The following ALMS1 variants were observed in gnomAD, a reference collection of about 807,000 sequenced individuals.
The protein encoded by ALMS1 is centrosome-associated protein ALMS1.
Under a neutral mutation model 352.2 loss-of-function variants are expected in ALMS1, and 271 were observed. The ratio of observed to expected loss-of-function variants is 0.77; its 90% CI spans 0.70 to 0.85. The LOEUF is 0.85. Among genes scored for constraint, ALMS1 ranks in the 40% least tolerant of loss-of-function variants. The pLI, the probability that ALMS1 is intolerant of heterozygous loss-of-function variation, is 0.00. For synonymous variants in ALMS1, 1,865 were observed against 1,761.2 expected (o/e 1.06, Z -1.48); for missense variants, 5,445 against 4,870.7 (o/e 1.12, Z -3.51).
At chr2:73,598,041 A>C (rs770505534) in intron 16 of ALMS1, among the ~76,000 whole-genome samples, 4 of 152,352 alleles carry the variant, frequency 2.6e-5, no homozygotes, top group Non-Finnish European at 5.9e-5. Context: ...ATTGCTTAGT[A>C]AATATTTGTT....
Position 73,517,246 on chromosome 2 carries a change from CTTT to C in ALMS1, c.9540-2514_9540-2512del, listed in dbSNP as rs770879267. 9.5e-5 allele frequency among the ~76,000 whole-genome samples: 10 copies of C among 104,966 alleles called. 1 individual carries two copies. Among genetic ancestry groups the C allele is most frequent in the Admixed American group, 2.2e-4 (2 of 9,160 alleles). 68.9% of individuals were successfully genotyped at this position (104,966 alleles called of 152,430 possible). ...CAAGTGATTTTTTGAAAGTTTTAGT[CTTT>C]TTTTTTTTTTTTTTCTTATAGAGAC... On this transcript the variant is annotated intron_variant, in intron 10 of 22. Coordinates refer to ENST00000613296, the MANE Select transcript of ALMS1 (RefSeq NM_001378454.1).
At chr2:73,589,425 T>C (rs1675376502) in intron 16 of ALMS1, among the ~76,000 whole-genome samples, 1 of 152,202 alleles carries the variant, frequency 6.6e-6, no homozygotes, top group Admixed American at 6.5e-5. Flanking sequence ...GTGCCAAGGG[T>C]TGAGTTAAAT....
chr2:73,419,016 TTAAA>T lies in ALMS1; in HGVS notation c.451-104_451-101del, dbSNP rs1480890695. The stretch of plus-strand genomic sequence containing the variant: ...TTTCTATACTTTGATGAGAATGTCA[TTAAA>T]TAGGAAGCTATATAATACATGAGTG... On this transcript the variant is annotated intron_variant, in intron 2 of 22. Coordinates refer to ENST00000613296, the MANE Select transcript of ALMS1 (RefSeq NM_001378454.1). 8.6e-6 allele frequency: 8 copies of T among 930,558 alleles called. No individual in the cohort carries two copies. The Admixed American group carries it at 1.4e-4, about 17-fold the overall frequency. The allele number at this position is 930,558 out of a possible 1,614,324, so 57.6% of individuals were successfully genotyped here. A position where few individuals can be genotyped will look rare whatever the true frequency, so the allele number is the denominator to read the frequency against.
Position 73,572,666 on chromosome 2 carries a change from A to G in ALMS1, c.10789A>G (p.Ser3597Gly). The change falls in exon 16 of 23, where the codon AGT (serine) becomes GGT (glycine). Residue 3597 changes from serine (S) to glycine (G), a missense_variant. Physicochemically the swap from Ser to Gly is moderately conservative, Grantham distance 56 (BLOSUM62 0). Transcript: ENST00000613296. ...TPEQTTQHTV[S>G]LNELWNKYRE... ...AGAGCAAACAACTCAGCACACTGTGAGTTTGAATGAACTGTGGAACAAGTA... is the reference window on the plus strand; with the variant it reads ...AGAGCAAACAACTCAGCACACTGTGGGTTTGAATGAACTGTGGAACAAGTA... 3 of 1,614,112 alleles carry G rather than the reference A, an allele frequency of 1.9e-6. No individual in the cohort carries two copies. In the South Asian group the frequency reaches 3.3e-5, roughly 18 times the overall value.
intron 9 of ALMS1, among the ~76,000 whole-genome samples, chr2:73,466,731 G>C (rs1672355901): frequency 6.6e-6 from 1 of 152,078 alleles, no homozygotes. Flanking sequence ...AAATATTAAA[G>C]AGCAAAAGAT....
intron 16 of ALMS1, among the ~76,000 whole-genome samples, chr2:73,594,883 T>C (rs549411916): frequency 6.6e-6 from 1 of 152,318 alleles, no homozygotes; most frequent in East Asian, 1.9e-4. Flanking sequence ...TGGGTATAAG[T>C]TTGTTGGTAT....
At chr2:73,466,073 T>G (rs1293338641) in intron 9 of ALMS1, among the ~76,000 whole-genome samples, 3 of 152,206 alleles carry the variant, frequency 2.0e-5, no homozygotes, top group Non-Finnish European at 4.4e-5. Context: ...GAAGTCAGTG[T>G]GTCGATTCCT....
chr2:73,461,582 A>C (rs904866684), intron 9 of ALMS1, among the ~76,000 whole-genome samples: 1 of 152,242 alleles, frequency 6.6e-6, no homozygotes, highest in African/African-American at 2.4e-5. Flanking sequence ...GCTCCTCAGC[A>C]GCAACGGAAC....
intron 10 of ALMS1, among the ~76,000 whole-genome samples, chr2:73,514,562 A>G (rs1487772017): frequency 6.6e-6 from 1 of 152,140 alleles, no homozygotes; most frequent in Non-Finnish European, 1.5e-5. Context: ...ATATATATGT[A>G]TATAAGAAAT....
intron 10 of ALMS1, 38 bp downstream of exon 10, chr2:73,491,536 T>C (rs201981777): frequency 6.2e-7 from 1 of 1,604,480 alleles, no homozygotes; most frequent in African/African-American, 1.3e-5. Flanking sequence ...CTGGATGGAC[T>C]TTGTAATAAA....
At chr2:73,403,637 A>G (rs1009196697) in intron 1 of ALMS1, among the ~76,000 whole-genome samples, 10 of 148,048 alleles carry the variant, frequency 6.8e-5, no homozygotes, top group African/African-American at 2.4e-4. Context: ...CATTTTAACA[A>G]TATTAATTAT....
chr2:73,520,726 C>G (rs925824577), intron 11 of ALMS1, among the ~76,000 whole-genome samples: 2 of 152,298 alleles, frequency 1.3e-5, no homozygotes, highest in South Asian at 4.2e-4. Context: ...GAATAGGTAG[C>G]AGTCTCTACC....
At chr2:73,521,581 A>G (rs13005869) in intron 11 of ALMS1, among the ~76,000 whole-genome samples, 1 of 38,474 alleles carries the variant, frequency 2.6e-5, no homozygotes, top group South Asian at 5.2e-4. Context: ...CTAAAAATAC[A>G]AAAAAAAAAA....
At chr2:73,486,661 T>C (rs1304850237) in intron 9 of ALMS1, among the ~76,000 whole-genome samples, 1 of 152,240 alleles carries the variant, frequency 6.6e-6, no homozygotes, top group African/African-American at 2.4e-5. Context: ...CTCTAGCTAA[T>C]CTACGTTCTT....
At position 73,385,918 on chromosome 2, in the gene ALMS1, AGG is replaced by A; in HGVS notation, c.51_52del (p.Glu18GlyfsTer108). On this transcript the variant is annotated frameshift_variant, in exon 1 of 23. Transcript: ENST00000613296. LOFTEE classifies it high-confidence loss of function. ...CCGGGCGAGCTGGAGGAGGAGGAGG[AGG>A]AGGAGGAGGAGGAGGAGGAGGAAGA... 1 of 879,748 alleles carries A rather than the reference AGG, an allele frequency of 1.1e-6. No homozygotes were observed. The allele number at this position is 879,748 out of a possible 1,614,324, so 54.5% of individuals were successfully genotyped here. A position where few individuals can be genotyped will look rare whatever the true frequency, so the allele number is the denominator to read the frequency against.
At chr2:73,415,590 G>A (rs545508469) in intron 2 of ALMS1, among the ~76,000 whole-genome samples, 4 of 152,250 alleles carry the variant, frequency 2.6e-5, no homozygotes, top group African/African-American at 7.2e-5. Context: ...AATTAGGAGC[G>A]TTCAATAGTT....
chr2:73,403,500 C>T (rs759149008), intron 1 of ALMS1, among the ~76,000 whole-genome samples: 2 of 152,006 alleles, frequency 1.3e-5, no homozygotes, highest in African/African-American at 4.8e-5. Context: ...TACAGAATTA[C>T]TTTGGCTCTT....
At chr2:73,406,164 T>C (rs184890341) in intron 1 of ALMS1, among the ~76,000 whole-genome samples, 173 of 152,324 alleles carry the variant, frequency 1.1e-3, no homozygotes, top group Non-Finnish European at 2.2e-3. Flanking sequence ...CAATGTTTGC[T>C]TTAAGTATTT....
At chr2:73,385,824 C>T (rs539250179), upstream of ALMS1, 149 of 678,956 alleles carry the variant, frequency 2.2e-4, no homozygotes, top group South Asian at 2.1e-3. Flanking sequence ...TCCCCTCCCT[C>T]CCCCCCTCCT....
Sources: allele counts gnomAD v4.1 joint callset (sites outside exome capture counted in the v4.1 genomes callset), GRCh38; gene constraint gnomAD v4.1.1; transcripts MANE v1.5; gene names NCBI Gene and HGNC (gene_info 2026-07-23, HGNC 2026-07-21).